Variants in LRRC4C observed in about 807,000 individuals in gnomAD.
LRRC4C encodes the protein leucine rich repeat containing 4C.
A neutral mutation model predicts 33.6 loss-of-function variants in LRRC4C; 5 were observed. The observed-to-expected ratio is 0.15, with a 90% CI of 0.08 to 0.31. The LOEUF (loss-of-function observed/expected upper bound fraction) is 0.31, where lower values mean the gene tolerates loss of function less well. LRRC4C is among the 10% of genes least tolerant of loss of function. The pLI, the probability that LRRC4C is intolerant of heterozygous loss-of-function variation, is 1.00. For missense variants in LRRC4C, 560 were observed against 796.7 expected (o/e 0.70, Z 3.58); for synonymous variants, 329 against 302.0 (o/e 1.09, Z -0.93).
intron 1 of LRRC4C, among the ~76,000 whole-genome samples, chr11:40,949,972 A>G (rs575197006): frequency 2.6e-5 from 4 of 152,290 alleles, no homozygotes; most frequent in African/African-American, 9.6e-5. Flanking sequence ...CAGGAAACCC[A>G]TCTCACATGC....
chr11:40,634,861 G>T lies in LRRC4C; in HGVS notation c.-270+13281C>A, dbSNP rs1963816520. Among the ~76,000 whole-genome samples the T allele has an allele frequency of 3.3e-5, 5 of 151,924 alleles. No individual in the cohort carries two copies. In the South Asian group the frequency reaches 1.0e-3, roughly 32 times the overall value. Reference sequence around the variant, plus strand: ...GCTATGATAGCGCCATTGTTCTCCTGACTGGGCAACAGAGCAAGACACTGT... The same window carrying T: ...GCTATGATAGCGCCATTGTTCTCCTTACTGGGCAACAGAGCAAGACACTGT... On this transcript the variant is annotated intron_variant, in intron 3 of 6. Transcript: ENST00000528697.
At chr11:41,117,899 G>T (rs1215001089) in intron 1 of LRRC4C, among the ~76,000 whole-genome samples, 1 of 152,090 alleles carries the variant, frequency 6.6e-6, no homozygotes, top group African/African-American at 2.4e-5. Context: ...AATATTCCAT[G>T]CACCATAAAA....
chr11:40,699,136 C>T (rs1034356802), intron 2 of LRRC4C, among the ~76,000 whole-genome samples: 5 of 152,130 alleles, frequency 3.3e-5, no homozygotes, highest in Admixed American at 1.3e-4. Flanking sequence ...TACCTAAATC[C>T]GTTCATTACA....
chr11:40,228,414 G>T (rs1864964606), intron 5 of LRRC4C, among the ~76,000 whole-genome samples: 1 of 151,810 alleles, frequency 6.6e-6, no homozygotes, highest in African/African-American at 2.4e-5. Context: ...ACTGTCATGT[G>T]CAGCCTTTTT....
At chr11:40,630,234 G>T (rs1019943425) in intron 3 of LRRC4C, among the ~76,000 whole-genome samples, 1 of 152,002 alleles carries the variant, frequency 6.6e-6, no homozygotes. Flanking sequence ...GAATCACATT[G>T]GGAAAAAATA....
intron 1 of LRRC4C, among the ~76,000 whole-genome samples, chr11:41,385,220 A>G (rs534872606): frequency 1.6e-4 from 24 of 151,516 alleles, no homozygotes; most frequent in African/African-American, 5.5e-4. Flanking sequence ...TAAAAATAAA[A>G]ATCATGTGGC....
chr11:40,464,918 C>T (rs1952578454), intron 3 of LRRC4C, among the ~76,000 whole-genome samples: 1 of 151,966 alleles, frequency 6.6e-6, no homozygotes, highest in Admixed American at 6.6e-5. Flanking sequence ...AATGCAATTT[C>T]TATCAAAATA....
At chr11:41,240,318 G>C (rs537789764) in intron 1 of LRRC4C, among the ~76,000 whole-genome samples, 36 of 152,156 alleles carry the variant, frequency 2.4e-4, no homozygotes, top group Non-Finnish European at 4.3e-4. Context: ...AAAATACAAA[G>C]AAATCAGAGA....
chr11:40,426,246 C>G (rs1035249869), intron 3 of LRRC4C, among the ~76,000 whole-genome samples: 8 of 152,106 alleles, frequency 5.3e-5, no homozygotes, highest in Admixed American at 1.3e-4. Flanking sequence ...ATCTCCTGAA[C>G]TCATGATTTG....
At chr11:40,868,902 T>C (rs965441552) in intron 2 of LRRC4C, among the ~76,000 whole-genome samples, 3 of 152,192 alleles carry the variant, frequency 2.0e-5, no homozygotes, top group African/African-American at 7.2e-5. Flanking sequence ...TAACCTTTTG[T>C]TATTCTCTGA....
At chr11:40,356,466 A>G (rs777382666) in intron 3 of LRRC4C, among the ~76,000 whole-genome samples, 2 of 152,138 alleles carry the variant, frequency 1.3e-5, no homozygotes, top group African/African-American at 4.8e-5. Flanking sequence ...TTCCTATTTC[A>G]AGGTAGGTTA....
intron 1 of LRRC4C, among the ~76,000 whole-genome samples, chr11:40,979,396 A>C (rs539335123): frequency 6.6e-6 from 1 of 152,356 alleles, no homozygotes; most frequent in South Asian, 2.1e-4. Flanking sequence ...AAACAAATGA[A>C]TTAGAATACC....
At chr11:41,338,201 C>T (rs1248224989) in intron 1 of LRRC4C, among the ~76,000 whole-genome samples, 1 of 152,056 alleles carries the variant, frequency 6.6e-6, no homozygotes, top group East Asian at 1.9e-4. Flanking sequence ...GGGTATATAC[C>T]CAGAGGAATA....
At chr11:41,275,631 T>A (rs920445921) in intron 1 of LRRC4C, among the ~76,000 whole-genome samples, 1 of 152,204 alleles carries the variant, frequency 6.6e-6, no homozygotes, top group Non-Finnish European at 1.5e-5. Context: ...ACAGTTCCAA[T>A]GTTAGAAATT....
At chr11:40,987,698 T>A in intron 1 of LRRC4C, among the ~76,000 whole-genome samples, 1 of 137,526 alleles carries the variant, frequency 7.3e-6, no homozygotes, top group Non-Finnish European at 1.5e-5. Flanking sequence ...ATATCTCATA[T>A]ATATGAGATA....
At chr11:41,126,129 C>T (rs1003317571) in intron 1 of LRRC4C, among the ~76,000 whole-genome samples, 10 of 151,894 alleles carry the variant, frequency 6.6e-5, no homozygotes, top group Non-Finnish European at 1.3e-4. Flanking sequence ...CAGCAAACCA[C>T]CATGATACAC....
intron 2 of LRRC4C, among the ~76,000 whole-genome samples, chr11:40,792,514 T>C (rs1950667930): frequency 6.6e-6 from 1 of 152,152 alleles, no homozygotes. Context: ...TGTGGAGAGA[T>C]AGGAACACTT....
intron 2 of LRRC4C, among the ~76,000 whole-genome samples, chr11:40,748,695 G>T (rs980654683): frequency 2.0e-5 from 3 of 152,080 alleles, no homozygotes; most frequent in Admixed American, 6.5e-5. Flanking sequence ...ATTGGCAAAG[G>T]GATAAAAAAC....
At chr11:40,880,543 G>GAA (rs201533170) in intron 2 of LRRC4C, among the ~76,000 whole-genome samples, 75,842 of 125,948 alleles carry the variant, frequency 0.6, 28,639 homozygotes, top group East Asian at 0.83. Flanking sequence ...ATTTTTAAAT[G>GAA]AAAAAAAAAA....
Sources: gnomAD v4.1 joint callset for allele counts (sites outside exome capture counted in the v4.1 genomes callset) on GRCh38, gnomAD v4.1.1 for gene constraint, MANE v1.5 for transcripts, NCBI Gene and HGNC (gene_info 2026-07-23, HGNC 2026-07-21) for gene names.